Variants in COG6 observed in about 807,000 individuals in gnomAD.
COG6 encodes component of oligomeric golgi complex 6.
A neutral mutation model predicts 88.8 loss-of-function variants in COG6; 74 were observed. The observed-to-expected ratio is 0.83, with a 90% CI of 0.69 to 1.01. COG6 has a LOEUF of 1.01. COG6 is among the 50% of genes least tolerant of loss of function. The pLI, the probability that COG6 is intolerant of heterozygous loss-of-function variation, is 0.00. For synonymous variants in COG6, 286 were observed against 278.7 expected, an observed-to-expected ratio of 1.03 and a Z score of -0.26; for missense variants, 800 against 797.9, an observed-to-expected ratio of 1.00 and a Z score of -0.03.
intron 4 of COG6, among the ~76,000 whole-genome samples, chr13:39,667,473 CTTG>C (rs1279270343): frequency 6.6e-6 from 1 of 152,138 alleles, no homozygotes. Context: ...TCCCTTTTAT[CTTG>C]TTGATATTGT....
chr13:39,659,239 C>A, intron 1 of COG6, 125 bp from the exon 2 acceptor site: 1 of 850,540 alleles, frequency 1.2e-6, no homozygotes, highest in Non-Finnish European at 1.9e-6. Context: ...GAAGGTCATT[C>A]AATATTTTTC....
chr13:39,679,532 T>A lies in COG6; in HGVS notation c.541-6T>A. 1 of 1,514,952 alleles carries A rather than the reference T, an allele frequency of 6.6e-7. No homozygotes were observed. The highest frequency in any genetic ancestry group is 1.7e-4 in the Middle Eastern group (1 of 5,862). The allele number at this position is 1,514,952 out of a possible 1,614,324, so 93.8% of individuals were successfully genotyped here. A position where few individuals can be genotyped will look rare whatever the true frequency, so the allele number is the denominator to read the frequency against. On this transcript the variant is annotated splice_polypyrimidine_tract_variant and splice_region_variant and intron_variant, in intron 5 of 18. Coordinates refer to ENST00000455146, the MANE Select transcript of COG6 (RefSeq NM_020751.3). Reference sequence around the variant, plus strand: ...TGGACATAAAGTCACATTCTTAATTTTAAAGGATTTTTTCAAGGCACTGGG... The same window carrying A: ...TGGACATAAAGTCACATTCTTAATTATAAAGGATTTTTTCAAGGCACTGGG...
chr13:39,728,306 C>G (rs1373317738), intron 18 of COG6, among the ~76,000 whole-genome samples: 1 of 152,054 alleles, frequency 6.6e-6, no homozygotes, highest in Non-Finnish European at 1.5e-5. Context: ...AACTATTGAA[C>G]AAAACATTTC....
intron 10 of COG6, 85 bp from the exon 11 acceptor site, chr13:39,689,675 A>G: frequency 1.2e-6 from 1 of 810,644 alleles, no homozygotes; most frequent in Admixed American, 2.0e-5. Flanking sequence ...TATATGTATT[A>G]TATATTATTT....
intron 18 of COG6, among the ~76,000 whole-genome samples, chr13:39,729,963 T>C (rs1879346254): frequency 6.6e-6 from 1 of 152,250 alleles, no homozygotes; most frequent in South Asian, 2.1e-4. Flanking sequence ...CAGAAACTTG[T>C]CAGATTTCCT....
downstream of COG6, among the ~76,000 whole-genome samples, chr13:39,753,326 T>A (rs1880728418): frequency 6.6e-6 from 1 of 152,160 alleles, no homozygotes; most frequent in Non-Finnish European, 1.5e-5. Flanking sequence ...AGACACCAAA[T>A]CTTTTGGTGC....
At chr13:39,760,418 TACAG>T (rs1880974986) in intron 18 of COG6, among the ~76,000 whole-genome samples, 3 of 151,966 alleles carry the variant, frequency 2.0e-5, no homozygotes, top group Non-Finnish European at 2.9e-5. Flanking sequence ...TAGATTCTTT[TACAG>T]ACAAAGATAT....
intron 18 of COG6, among the ~76,000 whole-genome samples, chr13:39,734,571 T>A (rs1457525419): frequency 2.0e-5 from 3 of 152,234 alleles, no homozygotes; most frequent in African/African-American, 7.2e-5. Context: ...ATGTTTATTC[T>A]GCAGCCATTG....
At chr13:39,725,210 G>A (rs1448641552) in intron 17 of COG6, among the ~76,000 whole-genome samples, 1 of 151,736 alleles carries the variant, frequency 6.6e-6, no homozygotes, top group East Asian at 1.9e-4. Context: ...TTTTATGATA[G>A]TACTACTAGT....
chr13:39,669,140 G>A (rs1321362646), intron 4 of COG6, among the ~76,000 whole-genome samples: 1 of 152,196 alleles, frequency 6.6e-6, no homozygotes, highest in African/African-American at 2.4e-5. Context: ...AGCTCTGTGA[G>A]GAAAGGCAGT....
intron 12 of COG6, among the ~76,000 whole-genome samples, chr13:39,696,620 G>T (rs1403581367): frequency 6.6e-6 from 1 of 151,614 alleles, no homozygotes; most frequent in Middle Eastern, 3.2e-3. Context: ...GAATTGGAAG[G>T]AGTAGGGGGA....
chr13:39,732,536 G>T (rs1460581208), intron 18 of COG6, among the ~76,000 whole-genome samples: 1 of 152,158 alleles, frequency 6.6e-6, no homozygotes, highest in East Asian at 1.9e-4. Flanking sequence ...AGAATTTAAA[G>T]GAAAACATGA....
At chr13:39,746,413 T>G (rs2138138730) in intron 18 of COG6, among the ~76,000 whole-genome samples, 1 of 152,258 alleles carries the variant, frequency 6.6e-6, no homozygotes, top group East Asian at 1.9e-4. Context: ...AGAACCAGTG[T>G]TCAGCATGCA....
intron 8 of COG6, among the ~76,000 whole-genome samples, chr13:39,685,829 A>G (rs1252707477): frequency 6.6e-6 from 1 of 151,682 alleles, no homozygotes; most frequent in Non-Finnish European, 1.5e-5. Context: ...GCAATTATGC[A>G]ATTTAGCAAA....
intron 4 of COG6, among the ~76,000 whole-genome samples, chr13:39,670,070 G>A (rs902924889): frequency 1.3e-5 from 2 of 152,112 alleles, no homozygotes; most frequent in African/African-American, 4.8e-5. Context: ...TCAGACAAAT[G>A]TATGAATGAT....
intron 18 of COG6, among the ~76,000 whole-genome samples, chr13:39,759,207 A>G (rs1179531315): frequency 1.3e-5 from 2 of 152,188 alleles, no homozygotes; most frequent in Admixed American, 1.3e-4. Context: ...AAAATGGTAA[A>G]TTTTATGTTA....
At chr13:39,674,291 T>C (rs1261984831) in intron 4 of COG6, among the ~76,000 whole-genome samples, 1 of 151,184 alleles carries the variant, frequency 6.6e-6, no homozygotes, top group Admixed American at 6.6e-5. Flanking sequence ...GACATGTTTC[T>C]CATTTTGTTT....
chr13:39,684,880 G>C (rs1876548260), intron 8 of COG6, among the ~76,000 whole-genome samples: 1 of 152,114 alleles, frequency 6.6e-6, no homozygotes, highest in Non-Finnish European at 1.5e-5. Flanking sequence ...CTTATGTGGT[G>C]TATAACTGGA....
intron 3 of COG6, among the ~76,000 whole-genome samples, chr13:39,662,671 T>G (rs1052144842): frequency 2.6e-5 from 4 of 152,214 alleles, no homozygotes; most frequent in African/African-American, 9.6e-5. Flanking sequence ...CATAGCTTTC[T>G]GATTGAATAT....
Sources: allele counts gnomAD v4.1 joint callset (sites outside exome capture counted in the v4.1 genomes callset), GRCh38; gene constraint gnomAD v4.1.1; transcripts MANE v1.5; gene names NCBI Gene and HGNC (gene_info 2026-07-23, HGNC 2026-07-21).